Variants in NKAIN2 observed in about 807,000 individuals in gnomAD.
NKAIN2 encodes sodium/potassium-transporting ATPase subunit beta-1-interacting protein 2.
In NKAIN2, 14 loss-of-function variants were observed where a neutral mutation model predicts 32.6. That is an observed-to-expected ratio of 0.43 (90% CI 0.28 to 0.67). NKAIN2 has a LOEUF of 0.67. Among genes scored for constraint, NKAIN2 ranks in the 30% least tolerant of loss-of-function variants. NKAIN2 has a pLI of 0.17. For synonymous variants in NKAIN2, 80 were observed against 87.2 expected (o/e 0.92, Z 0.46); for missense variants, 198 against 258.3 (o/e 0.77, Z 1.60).
chr6:124,103,998 A>G (rs1785006639), intron 1 of NKAIN2, among the ~76,000 whole-genome samples: 1 of 152,170 alleles, frequency 6.6e-6, no homozygotes, highest in Non-Finnish European at 1.5e-5. Flanking sequence ...AGGCGGGACA[A>G]TGGTGTGAAC....
At chr6:124,810,498 G>A (rs919444768) in intron 5 of NKAIN2, among the ~76,000 whole-genome samples, 4 of 152,006 alleles carry the variant, frequency 2.6e-5, no homozygotes, top group Admixed American at 6.6e-5. Flanking sequence ...TGGGGGGAGC[G>A]GGAAGGGATA....
chr6:123,976,368 T>TA (rs1562287697), intron 1 of NKAIN2, among the ~76,000 whole-genome samples: 14 of 13,050 alleles, frequency 1.1e-3, no homozygotes, highest in African/African-American at 3.1e-3. Context: ...TATATATATA[T>TA]TCCCATATAT....
intron 3 of NKAIN2, among the ~76,000 whole-genome samples, chr6:124,423,053 T>C (rs1006712168): frequency 6.6e-6 from 1 of 152,240 alleles, no homozygotes; most frequent in Non-Finnish European, 1.5e-5. Context: ...TAACTGCATT[T>C]CACATCTAAA....
intron 1 of NKAIN2, among the ~76,000 whole-genome samples, chr6:124,225,205 C>G (rs992442238): frequency 6.6e-6 from 1 of 151,978 alleles, no homozygotes; most frequent in African/African-American, 2.4e-5. Flanking sequence ...TTAATTAATG[C>G]TTCCACAGAA....
At chr6:124,153,635 G>T (rs536013825) in intron 1 of NKAIN2, among the ~76,000 whole-genome samples, 1 of 151,232 alleles carries the variant, frequency 6.6e-6, no homozygotes, top group Admixed American at 6.6e-5. Flanking sequence ...CTTTCATCTC[G>T]ATATTTTTCT....
Position 124,753,447 on chromosome 6 carries a change from G to A in NKAIN2, c.475-37892G>A, listed in dbSNP as rs772035815. Among the ~76,000 whole-genome samples, 20 of 151,978 alleles carry A rather than the reference G, an allele frequency of 1.3e-4. 1 individual carries two copies. Among genetic ancestry groups the A allele is most frequent in the Non-Finnish European group, 1.9e-4 (13 of 67,984 alleles). On this transcript the variant is annotated intron_variant, in intron 4 of 6. Coordinates refer to ENST00000368417, the MANE Select transcript of NKAIN2 (RefSeq NM_001040214.3). ...GATTTCTGTCGGTTTAGCTTTTTACGCATGCCATTTACACTAAGATTCTTT... is the reference window on the plus strand; with the variant it reads ...GATTTCTGTCGGTTTAGCTTTTTACACATGCCATTTACACTAAGATTCTTT...
intron 1 of NKAIN2, among the ~76,000 whole-genome samples, chr6:124,182,014 G>T (rs188164402): frequency 8.1e-4 from 124 of 152,300 alleles, no homozygotes; most frequent in African/African-American, 2.9e-3. Context: ...ACATACATGA[G>T]AGTGGGTAAT....
chr6:124,490,998 C>A (rs1318447788), intron 3 of NKAIN2, among the ~76,000 whole-genome samples: 1 of 151,718 alleles, frequency 6.6e-6, no homozygotes, highest in Non-Finnish European at 1.5e-5. Flanking sequence ...AGACACATAC[C>A]AAGTATCAGT....
At chr6:124,271,362 G>A (rs557372502) in intron 1 of NKAIN2, among the ~76,000 whole-genome samples, 11 of 152,174 alleles carry the variant, frequency 7.2e-5, no homozygotes, top group South Asian at 2.1e-4. Flanking sequence ...GACTACAGGC[G>A]CCTGCCACCA....
At chr6:124,685,298 TTAAAC>T (rs1245024322) in intron 4 of NKAIN2, among the ~76,000 whole-genome samples, 10 of 152,148 alleles carry the variant, frequency 6.6e-5, no homozygotes, top group African/African-American at 1.9e-4. Context: ...CAATTCTACT[TTAAAC>T]TAAAAAGGCA....
At chr6:124,228,531 T>TGG (rs888474094) in intron 1 of NKAIN2, among the ~76,000 whole-genome samples, 1 of 152,104 alleles carries the variant, frequency 6.6e-6, no homozygotes, top group Non-Finnish European at 1.5e-5. Flanking sequence ...ACCATCACAC[T>TGG]GGGGGTTAGG....
At chr6:124,464,111 C>G (rs1212311987) in intron 3 of NKAIN2, among the ~76,000 whole-genome samples, 1 of 152,074 alleles carries the variant, frequency 6.6e-6, no homozygotes, top group Non-Finnish European at 1.5e-5. Flanking sequence ...CCCCAGCCTC[C>G]TGAGTAGCTG....
intron 1 of NKAIN2, among the ~76,000 whole-genome samples, chr6:124,131,033 A>G (rs546881354): frequency 3.9e-5 from 6 of 152,236 alleles, no homozygotes; most frequent in Non-Finnish European, 5.9e-5. Context: ...TAACAAAGAC[A>G]CACAAAGAAC....
At chr6:123,837,791 A>G (rs1774694405) in intron 1 of NKAIN2, among the ~76,000 whole-genome samples, 1 of 152,086 alleles carries the variant, frequency 6.6e-6, no homozygotes, top group South Asian at 2.1e-4. Context: ...GGAATCTGAG[A>G]CAGTTTTCAT....
intron 2 of NKAIN2, among the ~76,000 whole-genome samples, chr6:124,298,859 C>A (rs778400254): frequency 6.6e-6 from 1 of 152,120 alleles, no homozygotes; most frequent in African/African-American, 2.4e-5. Context: ...TTGAGTGAAG[C>A]CCTCAGAGAA....
chr6:123,957,490 G>A (rs554780518), intron 1 of NKAIN2, among the ~76,000 whole-genome samples: 17 of 151,864 alleles, frequency 1.1e-4, no homozygotes, highest in Non-Finnish European at 1.6e-4. Context: ...CAATATATAG[G>A]GTATTTTCAA....
chr6:124,207,336 A>C (rs1462025073), intron 1 of NKAIN2, among the ~76,000 whole-genome samples: 1 of 151,580 alleles, frequency 6.6e-6, no homozygotes, highest in African/African-American at 2.4e-5. Context: ...ACTTAATTCC[A>C]AATCTATTTA....
intron 4 of NKAIN2, among the ~76,000 whole-genome samples, chr6:124,735,330 G>A (rs929603417): frequency 3.4e-4 from 52 of 151,836 alleles, no homozygotes; most frequent in African/African-American, 1.2e-3. Context: ...CAACTATAAA[G>A]TAGAGATAAT....
Position 123,911,807 on chromosome 6 carries a change from A to ATATATATGTGTATATATATATATATG in NKAIN2, c.54+107559_54+107560insTGTGTATATATATATATATGTATATA, listed in dbSNP as rs1473572416. 7.1e-4 allele frequency among the ~76,000 whole-genome samples: 74 copies of ATATATATGTGTATATATATATATATG among 103,730 alleles called. 5 individuals carry two copies. The highest frequency in any genetic ancestry group is 3.1e-3 in the African/African-American group (71 of 22,856). 68.1% of individuals were successfully genotyped at this position (103,730 alleles called of 152,430 possible). ...CATATATATATATATATATGTATATATATATACACACACACACACACACAC... is the reference window on the plus strand; with the variant it reads ...CATATATATATATATATATGTATATATATATATGTGTATATATATATATATGTATATACACACACACACACACACAC... On this transcript the variant is annotated intron_variant, in intron 1 of 6. Transcript: ENST00000368417.
Sources: gnomAD v4.1 joint callset for allele counts (sites outside exome capture counted in the v4.1 genomes callset) on GRCh38, gnomAD v4.1.1 for gene constraint, MANE v1.5 for transcripts, NCBI Gene and HGNC (gene_info 2026-07-23, HGNC 2026-07-21) for gene names.